B3GALT1: variants seen among roughly 807,000 people sequenced by gnomAD.
The protein encoded by B3GALT1 is UDP-Gal:betaGlcNAc beta 1,3-galactosyltransferase, polypeptide 1.
B3GALT1 carries 10 observed loss-of-function variants against 23.2 expected under a neutral mutation model. The ratio of observed to expected loss-of-function variants is 0.43; its 90% CI spans 0.27 to 0.73. The LOEUF (loss-of-function observed/expected upper bound fraction) is 0.73, where lower values mean the gene tolerates loss of function less well. B3GALT1 is among the 30% of genes least tolerant of loss of function. The probability of loss-of-function intolerance (pLI) is 0.21; values close to 1 mark genes in which losing one functional copy is unlikely to be tolerated. For missense variants in B3GALT1, 299 were observed against 405.4 expected (o/e 0.74, Z 2.25); for synonymous variants, 156 against 141.5 (o/e 1.10, Z -0.73).
chr2:167,315,120 C>A (rs1696692259), intron 1 of B3GALT1, among the ~76,000 whole-genome samples: 1 of 152,072 alleles, frequency 6.6e-6, no homozygotes, highest in African/African-American at 2.4e-5. Flanking sequence ...TATTAGTTAA[C>A]TCTTTAAAAA....
chr2:167,845,842 G>C (rs956632921), intron 4 of B3GALT1, among the ~76,000 whole-genome samples: 1 of 151,198 alleles, frequency 6.6e-6, no homozygotes, highest in South Asian at 2.1e-4. Context: ...CTCAATGCAA[G>C]GAAATCAAAA....
intron 2 of B3GALT1, among the ~76,000 whole-genome samples, chr2:167,558,789 A>G (rs930566526): frequency 3.3e-5 from 5 of 152,238 alleles, no homozygotes; most frequent in African/African-American, 9.6e-5. Context: ...TTGCTTAGGT[A>G]AACAAAGCAG....
At chr2:167,582,105 A>G (rs1684494588) in intron 2 of B3GALT1, among the ~76,000 whole-genome samples, 2 of 151,978 alleles carry the variant, frequency 1.3e-5, no homozygotes, top group Admixed American at 1.3e-4. Flanking sequence ...CCCATCTCCC[A>G]GATTATAGAA....
At chr2:167,545,258 A>C (rs1428530000) in intron 2 of B3GALT1, among the ~76,000 whole-genome samples, 1 of 151,452 alleles carries the variant, frequency 6.6e-6, no homozygotes, top group African/African-American at 2.4e-5. Flanking sequence ...GATGGTCTTG[A>C]TCTTCTGACC....
At chr2:167,687,494 G>A (rs1686637194) in intron 3 of B3GALT1, among the ~76,000 whole-genome samples, 1 of 151,732 alleles carries the variant, frequency 6.6e-6, no homozygotes, top group African/African-American at 2.4e-5. Flanking sequence ...CTGTAAAGGA[G>A]GAAAGAAAAG....
chr2:167,517,965 T>C (rs865908176), intron 2 of B3GALT1, among the ~76,000 whole-genome samples: 1 of 152,108 alleles, frequency 6.6e-6, no homozygotes, highest in Non-Finnish European at 1.5e-5. Flanking sequence ...TGTAATCTCA[T>C]TTGATCCCAA....
At chr2:167,367,167 A>G (rs1247912415) in intron 1 of B3GALT1, among the ~76,000 whole-genome samples, 1 of 152,238 alleles carries the variant, frequency 6.6e-6, no homozygotes, top group Non-Finnish European at 1.5e-5. Flanking sequence ...AAGATTTCCA[A>G]CAAGTCACGT....
chr2:167,404,526 A>G (rs771404686), intron 1 of B3GALT1, among the ~76,000 whole-genome samples: 4 of 152,144 alleles, frequency 2.6e-5, no homozygotes, highest in Non-Finnish European at 5.9e-5. Context: ...TAACTCGTTT[A>G]CCTGGTACTT....
intron 3 of B3GALT1, among the ~76,000 whole-genome samples, chr2:167,751,110 T>C (rs1687728485): frequency 6.6e-6 from 1 of 152,160 alleles, no homozygotes; most frequent in Non-Finnish European, 1.5e-5. Flanking sequence ...TTTACAAAAA[T>C]AGCAAGCTAG....
In B3GALT1 at chr2:167,749,598, T is replaced by A. The variant is rs568772449; in HGVS notation, c.-351-69074T>A. Among the ~76,000 whole-genome samples, 11 of 152,350 alleles carry A rather than the reference T, an allele frequency of 7.2e-5. No homozygotes were observed. The East Asian group carries it at 2.1e-3, about 29-fold the overall frequency. ...AATGCCCTGAGGGATCAACTTTTAA[T>A]CAATTATTGACTACAGTTTGAGGGG... On this transcript the variant is annotated intron_variant, in intron 3 of 4. Coordinates refer to ENST00000392690, the MANE Select transcript of B3GALT1 (RefSeq NM_020981.4).
chr2:167,660,178 C>T (rs1287960270), intron 3 of B3GALT1, among the ~76,000 whole-genome samples: 2 of 152,026 alleles, frequency 1.3e-5, no homozygotes, highest in Non-Finnish European at 2.9e-5. Flanking sequence ...ATCACTTGAG[C>T]ATTGAGAGCT....
chr2:167,569,484 TA>T (rs1486220016), intron 2 of B3GALT1, among the ~76,000 whole-genome samples: 1 of 151,968 alleles, frequency 6.6e-6, no homozygotes, highest in Non-Finnish European at 1.5e-5. Flanking sequence ...GTTTTAATTC[TA>T]AATTCCACTT....
intron 2 of B3GALT1, among the ~76,000 whole-genome samples, chr2:167,494,005 C>T (rs955697904): frequency 6.6e-6 from 1 of 152,142 alleles, no homozygotes; most frequent in Non-Finnish European, 1.5e-5. Context: ...AGAAGTACTC[C>T]TGAGACAGAG....
intron 1 of B3GALT1, among the ~76,000 whole-genome samples, chr2:167,414,842 A>G (rs1031009610): frequency 6.6e-6 from 1 of 152,194 alleles, no homozygotes; most frequent in Admixed American, 6.5e-5. Context: ...TAACAATCTC[A>G]GTAGCCGTAG....
At chr2:167,421,474 A>G (rs1451050264) in intron 1 of B3GALT1, among the ~76,000 whole-genome samples, 3 of 152,230 alleles carry the variant, frequency 2.0e-5, no homozygotes, top group East Asian at 3.8e-4. Context: ...GTTGAACTTA[A>G]TGTAGTTACT....
chr2:167,797,377 T>C (rs1296687509), intron 3 of B3GALT1, among the ~76,000 whole-genome samples: 1 of 152,252 alleles, frequency 6.6e-6, no homozygotes, highest in Non-Finnish European at 1.5e-5. Flanking sequence ...CAGTCTATCA[T>C]TGATGGACAT....
chr2:167,561,202 C>T (rs1261566723), intron 2 of B3GALT1, among the ~76,000 whole-genome samples: 2 of 152,200 alleles, frequency 1.3e-5, no homozygotes, highest in Admixed American at 6.5e-5. Context: ...TCCTGAATGA[C>T]TATTGGGTAC....
chr2:167,867,140 A>C (rs1016937018), intron 4 of B3GALT1, among the ~76,000 whole-genome samples: 2 of 152,048 alleles, frequency 1.3e-5, no homozygotes, highest in Non-Finnish European at 2.9e-5. Context: ...TTTAGCCAGG[A>C]TGGTCTCGAT....
chr2:167,340,652 C>G (rs1253787238), intron 1 of B3GALT1, among the ~76,000 whole-genome samples: 1 of 152,302 alleles, frequency 6.6e-6, no homozygotes, highest in East Asian at 1.9e-4. Context: ...CTTTTCATGG[C>G]TCCTTTAAGA....
Sources: allele counts gnomAD v4.1 joint callset (sites outside exome capture counted in the v4.1 genomes callset), GRCh38; gene constraint gnomAD v4.1.1; transcripts MANE v1.5; gene names NCBI Gene and HGNC (gene_info 2026-07-23, HGNC 2026-07-21).